CSMD3: variants seen among roughly 807,000 people sequenced by gnomAD.
CSMD3 encodes the protein CUB and Sushi multiple domains 3, also known as CUB and sushi domain-containing protein 3.
CSMD3 carries 177 observed loss-of-function variants against 435.2 expected under a neutral mutation model. The observed-to-expected ratio is 0.41, with a 90% CI of 0.36 to 0.46. The LOEUF is 0.46. Among genes scored for constraint, CSMD3 ranks in the 20% least tolerant of loss-of-function variants. CSMD3 has a pLI of 0.34. For missense variants in CSMD3, 4,265 were observed against 4,504.6 expected (o/e 0.95, Z 1.52); for synonymous variants, 1,656 against 1,520.5 (o/e 1.09, Z -2.07).
intron 13 of CSMD3, among the ~76,000 whole-genome samples, chr8:112,740,829 A>C (rs1039647126): frequency 6.6e-6 from 1 of 151,888 alleles, no homozygotes; most frequent in Non-Finnish European, 1.5e-5. Context: ...GATAAATTTA[A>C]CTCAGCAAAA....
intron 5 of CSMD3, among the ~76,000 whole-genome samples, chr8:113,046,327 A>G (rs1254162287): frequency 1.3e-5 from 2 of 149,402 alleles, no homozygotes; most frequent in Admixed American, 1.3e-4. Flanking sequence ...AGAAACAAAC[A>G]ACAACAACAA....
At chr8:113,314,030 A>C (rs1158619842) in intron 2 of CSMD3, 1 of 152,182 alleles carries the variant, frequency 6.6e-6, no homozygotes, top group Admixed American at 6.6e-5. Context: ...AATAAGCTTC[A>C]AAAAACACTT....
At chr8:112,465,960 G>C (rs1252274743) in intron 32 of CSMD3, among the ~76,000 whole-genome samples, 1 of 145,000 alleles carries the variant, frequency 6.9e-6, no homozygotes, top group East Asian at 2.0e-4. Flanking sequence ...GGGAAGCAGA[G>C]GGAGACACCA....
At chr8:112,615,578 A>C (rs1377925866) in intron 22 of CSMD3, among the ~76,000 whole-genome samples, 2 of 152,106 alleles carry the variant, frequency 1.3e-5, no homozygotes, top group African/African-American at 4.8e-5. Flanking sequence ...CAACATATAG[A>C]ATACGCCTAC....
intron 3 of CSMD3, among the ~76,000 whole-genome samples, chr8:113,235,118 T>C (rs1462640367): frequency 2.0e-5 from 3 of 152,100 alleles, no homozygotes; most frequent in Admixed American, 6.6e-5. Context: ...GACTTTCAAA[T>C]TGTGGTGAAA....
chr8:112,927,219 A>G (rs2130677365), intron 9 of CSMD3, among the ~76,000 whole-genome samples: 1 of 152,262 alleles, frequency 6.6e-6, no homozygotes, highest in Non-Finnish European at 1.5e-5. Flanking sequence ...TTAAAATTGT[A>G]CAAGTACGTA....
At chr8:113,224,646 A>G (rs1320650054) in intron 3 of CSMD3, among the ~76,000 whole-genome samples, 1 of 151,326 alleles carries the variant, frequency 6.6e-6, no homozygotes, top group Non-Finnish European at 1.5e-5. Flanking sequence ...ATTTACCTAA[A>G]TAATATTTAT....
chr8:112,241,940 C>T (rs1163721725), intron 65 of CSMD3, among the ~76,000 whole-genome samples, 155 bp from the exon 66 acceptor site: 1 of 151,920 alleles, frequency 6.6e-6, no homozygotes, highest in Non-Finnish European at 1.5e-5. Flanking sequence ...ATGTTCCGTT[C>T]ATCACAACAT....
chr8:112,593,721 T>A (rs1341077728), intron 22 of CSMD3, among the ~76,000 whole-genome samples: 37 of 152,104 alleles, frequency 2.4e-4, no homozygotes, highest in Non-Finnish European at 1.5e-5. Flanking sequence ...GAAGGTAGTA[T>A]CATGGAATAG....
chr8:112,592,652 A>G (rs1445637591), intron 22 of CSMD3, among the ~76,000 whole-genome samples: 1 of 152,002 alleles, frequency 6.6e-6, no homozygotes, highest in African/African-American at 2.4e-5. Context: ...CAATTATATC[A>G]TTTTCTGTCA....
chr8:112,365,182 C>A (rs571114885), intron 38 of CSMD3, among the ~76,000 whole-genome samples: 5 of 152,032 alleles, frequency 3.3e-5, no homozygotes, highest in Admixed American at 6.6e-5. Flanking sequence ...CCCAAAGTTG[C>A]CAAGCAAATA....
At chr8:113,322,471 G>A (rs1167221185) in intron 1 of CSMD3, among the ~76,000 whole-genome samples, 3 of 152,054 alleles carry the variant, frequency 2.0e-5, no homozygotes, top group Non-Finnish European at 4.4e-5. Flanking sequence ...ATGGGTATTC[G>A]TGTAGGCCTG....
chr8:113,123,073 T>C (rs957181987), intron 4 of CSMD3, among the ~76,000 whole-genome samples: 1 of 137,770 alleles, frequency 7.3e-6, no homozygotes, highest in Non-Finnish European at 1.5e-5. Flanking sequence ...TGTTAGCTTT[T>C]AGATTTCACT....
chr8:112,249,338 CA>C (rs1815049983), intron 63 of CSMD3, among the ~76,000 whole-genome samples: 1 of 148,664 alleles, frequency 6.7e-6, no homozygotes, highest in South Asian at 2.2e-4. Context: ...ACATCACAAT[CA>C]CCAAAAGGAC....
intron 59 of CSMD3, among the ~76,000 whole-genome samples, chr8:112,277,536 C>T (rs1223459566): frequency 6.6e-6 from 1 of 152,198 alleles, no homozygotes; most frequent in Non-Finnish European, 1.5e-5. Flanking sequence ...GCCCTCCAAA[C>T]TGTTCCAACC....
At chr8:112,233,544 A>G (rs1337674132) in intron 68 of CSMD3, among the ~76,000 whole-genome samples, 4 of 152,106 alleles carry the variant, frequency 2.6e-5, no homozygotes, top group Non-Finnish European at 4.4e-5. Context: ...TTCCTCAGGA[A>G]CCAAACTTAT....
intron 7 of CSMD3, among the ~76,000 whole-genome samples, chr8:112,971,526 A>C (rs1341438476): frequency 6.6e-6 from 1 of 152,156 alleles, no homozygotes; most frequent in Non-Finnish European, 1.5e-5. Context: ...AATGCTTATA[A>C]CAACCCTGAT....
At chr8:112,721,185 A>G (rs1439937852) in intron 13 of CSMD3, among the ~76,000 whole-genome samples, 2 of 152,194 alleles carry the variant, frequency 1.3e-5, no homozygotes. Flanking sequence ...CATCATATAT[A>G]TGCTGACAGC....
chr8:112,704,928 A>G (rs1433677015), intron 13 of CSMD3, among the ~76,000 whole-genome samples: 1 of 152,110 alleles, frequency 6.6e-6, no homozygotes, highest in Non-Finnish European at 1.5e-5. Context: ...AAACAATTAA[A>G]TGGGATATAG....
Sources: gnomAD v4.1 joint callset for allele counts (sites outside exome capture counted in the v4.1 genomes callset) on GRCh38, gnomAD v4.1.1 for gene constraint, MANE v1.5 for transcripts, NCBI Gene and HGNC (gene_info 2026-07-23, HGNC 2026-07-21) for gene names.